Variants in GAREM1 observed in about 807,000 individuals in gnomAD.
GAREM1 encodes GRB2-associated and regulator of MAPK protein 1.
Under a neutral mutation model 71.3 loss-of-function variants are expected in GAREM1, and 26 were observed. That is an observed-to-expected ratio of 0.36 (90% confidence interval 0.27 to 0.51). GAREM1 has a LOEUF of 0.51. Among genes scored for constraint, GAREM1 ranks in the 20% least tolerant of loss-of-function variants. The pLI is 0.95. For missense variants in GAREM1, 1,026 were observed against 1,103.1 expected (o/e 0.93, Z 0.99); for synonymous variants, 440 against 433.2 (o/e 1.02, Z -0.20).
At chr18:32,452,755 AC>A (rs1344472751) in intron 1 of GAREM1, among the ~76,000 whole-genome samples, 2 of 152,234 alleles carry the variant, frequency 1.3e-5, no homozygotes, top group East Asian at 3.9e-4. Flanking sequence ...GAAACCACAT[AC>A]CATACTCCCA....
At position 32,310,323 on chromosome 18, in the gene GAREM1, C is replaced by G. The variant is rs2144518612; in HGVS notation, c.263G>C (p.Gly88Ala). Residue 88 changes from glycine to alanine, a missense_variant and splice_region_variant, in exon 3 of 6, where the codon GGG becomes GCG. This residue lies in a region of GAREM1 where 172 missense variants were observed against 175.2 expected (regional missense o/e 0.98). Coordinates refer to ENST00000269209, the MANE Select transcript of GAREM1 (RefSeq NM_001242409.2). ...GTCTTGTTCCAGCAGCTTGAATTGC[C>G]CTAAAACACAGGATAAACAGAAGAG... ...PKIEIPVHYA[G>A]QFKLLEQDRD... is the part of the protein sequence containing the mutation. 1 of 1,613,958 alleles carries G rather than the reference C, an allele frequency of 6.2e-7. No individual in the cohort carries two copies. Among genetic ancestry groups the G allele is most frequent in the East Asian group, 2.2e-5 (1 of 44,866 alleles).
At chr18:32,271,892 G>C (rs1307037052) in intron 4 of GAREM1, among the ~76,000 whole-genome samples, 3 of 152,140 alleles carry the variant, frequency 2.0e-5, no homozygotes, top group South Asian at 2.1e-4. Flanking sequence ...AGGCAGCAGG[G>C]GGCAGTTTAT....
At chr18:32,407,395 T>C (rs2048375301) in intron 1 of GAREM1, among the ~76,000 whole-genome samples, 1 of 152,146 alleles carries the variant, frequency 6.6e-6, no homozygotes, top group African/African-American at 2.4e-5. Context: ...ATCGCACCAT[T>C]GCACTCCAGC....
rs752263819 is a variant in GAREM1, at chr18:32,310,199, G to A, written c.387C>T (p.Asn129=). The change falls in exon 3 of 6, where the codon AAC becomes AAT. Residue 129 remains asparagine, a synonymous_variant. Transcript: ENST00000269209. The stretch of plus-strand genomic sequence containing the variant: ...GTGCTTCAAGAGCTACTACCTTCAC[G>A]TTGAATGTGATATCCTCCATGACGT... The part of the protein sequence containing the change: ...RVYVMEDITF[N]VKVASGECNE... The A allele has an allele frequency of 8.7e-6, 14 of 1,613,852 alleles. No individual in the cohort carries two copies. The highest frequency in any genetic ancestry group is 3.3e-5 in the South Asian group (3 of 91,014).
rs1368925454 is a variant in GAREM1, at chr18:32,470,828, G to C, written c.-400C>G. Among the ~76,000 whole-genome samples the C allele has an allele frequency of 6.6e-6, 1 of 150,516 alleles. No individual in the cohort carries two copies. The highest frequency in any genetic ancestry group is 1.5e-5 in the Non-Finnish European group (1 of 67,454). ...CCCTCCTTCCCTCCGCCTCGAGCGTGTGAGGAGGAGCCGCGGGTCTGAGAA... is the reference window on the plus strand; with the variant it reads ...CCCTCCTTCCCTCCGCCTCGAGCGTCTGAGGAGGAGCCGCGGGTCTGAGAA... On this transcript the variant is annotated 5_prime_UTR_variant, in exon 1 of 6. Transcript: ENST00000269209. The surrounding 1 kb of genome is among the most constrained non-coding windows in gnomAD (Gnocchi z 4.4).
In GAREM1 at chr18:32,310,188, A is replaced by G; in HGVS notation, c.393+5T>C. 1 of 1,613,824 alleles carries G rather than the reference A, an allele frequency of 6.2e-7. No homozygotes were observed. The highest frequency in any genetic ancestry group is 1.1e-5 in the South Asian group (1 of 90,980). On this transcript the variant is annotated splice_donor_5th_base_variant and intron_variant, in intron 3 of 5. Coordinates refer to ENST00000269209, the MANE Select transcript of GAREM1 (RefSeq NM_001242409.2). ...ATAAATATTTGGTGCTTCAAGAGCTACTACCTTCACGTTGAATGTGATATC... is the reference window on the plus strand; with the variant it reads ...ATAAATATTTGGTGCTTCAAGAGCTGCTACCTTCACGTTGAATGTGATATC...
intron 2 of GAREM1, among the ~76,000 whole-genome samples, chr18:32,378,944 G>A (rs148041461): frequency 3.3e-5 from 5 of 152,264 alleles, no homozygotes; most frequent in South Asian, 2.1e-4. Flanking sequence ...CACTGCTTAC[G>A]GGAGACAGAT....
In GAREM1 at chr18:32,267,837, C is replaced by A; in HGVS notation, c.*34G>T. ...CACCCCTTCTAGCACACGCATTGAT[C>A]AGTTTTGTTCCATGCTGGCCGGGGG... On this transcript the variant is annotated 3_prime_UTR_variant, in exon 6 of 6. Coordinates refer to ENST00000269209, the MANE Select transcript of GAREM1 (RefSeq NM_001242409.2). 1 of 1,554,432 alleles carries A rather than the reference C, an allele frequency of 6.4e-7. No homozygotes were observed. The highest frequency in any genetic ancestry group is 1.2e-5 in the South Asian group (1 of 83,318).
chr18:32,328,801 CAT>C (rs2047497602), intron 2 of GAREM1, among the ~76,000 whole-genome samples: 1 of 152,048 alleles, frequency 6.6e-6, no homozygotes, highest in Non-Finnish European at 1.5e-5. Flanking sequence ...ATAAGCAAAA[CAT>C]TGATTACTTT....
chr18:32,389,996 G>GT (rs2048180979), intron 2 of GAREM1, among the ~76,000 whole-genome samples: 1 of 152,002 alleles, frequency 6.6e-6, no homozygotes, highest in Non-Finnish European at 1.5e-5. Context: ...GCGAGAACTG[G>GT]TATCTACAAA....
chr18:32,343,744 G>T (rs1415376907), intron 2 of GAREM1, among the ~76,000 whole-genome samples: 1 of 151,850 alleles, frequency 6.6e-6, no homozygotes, highest in Non-Finnish European at 1.5e-5. Flanking sequence ...ATGCACTTAC[G>T]GCAACTTCAT....
In GAREM1 at chr18:32,470,250, C is replaced by T; in HGVS notation, c.121+58G>A. ...CCACCCTCTCCAGCACACGCGCGCA[C>T]ACCCGCGTGGAGACGGCTGTCCTCG... On this transcript the variant is annotated intron_variant, in intron 1 of 5. Coordinates refer to ENST00000269209, the MANE Select transcript of GAREM1 (RefSeq NM_001242409.2). This position sits in a 1 kb window ranked among gnomAD's most constrained non-coding sequence, Gnocchi z 4.4. The T allele has an allele frequency of 2.9e-6, 4 of 1,399,006 alleles. No individual in the cohort carries two copies. Among genetic ancestry groups the T allele is most frequent in the Non-Finnish European group, 3.8e-6 (4 of 1,066,288 alleles). 86.7% of individuals were successfully genotyped at this position (1,399,006 alleles called of 1,614,324 possible). A position where few individuals can be genotyped will look rare whatever the true frequency, so the allele number is the denominator to read the frequency against.
At chr18:32,424,640 T>A (rs1039675514) in intron 1 of GAREM1, among the ~76,000 whole-genome samples, 2 of 152,186 alleles carry the variant, frequency 1.3e-5, no homozygotes, top group Non-Finnish European at 2.9e-5. Flanking sequence ...CTGTATATAT[T>A]TGGAACCAGA....
chr18:32,389,082 T>G (rs1485773412), intron 2 of GAREM1, among the ~76,000 whole-genome samples: 2 of 151,966 alleles, frequency 1.3e-5, no homozygotes. Context: ...AGGGTAAGAA[T>G]GATAAAAAAC....
At chr18:32,383,323 G>T (rs1220519516) in intron 2 of GAREM1, among the ~76,000 whole-genome samples, 1 of 152,184 alleles carries the variant, frequency 6.6e-6, no homozygotes, top group Non-Finnish European at 1.5e-5. Flanking sequence ...AAATGGGTCA[G>T]GGTTAACAGA....
At chr18:32,322,397 G>A (rs2047437465) in intron 2 of GAREM1, among the ~76,000 whole-genome samples, 1 of 152,124 alleles carries the variant, frequency 6.6e-6, no homozygotes. Context: ...ACTATAGAAT[G>A]CACCATCTGG....
chr18:32,289,284 T>C (rs1272948600), intron 3 of GAREM1, among the ~76,000 whole-genome samples: 2 of 152,180 alleles, frequency 1.3e-5, no homozygotes, highest in African/African-American at 4.8e-5. Flanking sequence ...CACTGCCCAC[T>C]GTGTTTTCAT....
rs188881346 is a variant in GAREM1, at chr18:32,441,263, A to T, written c.121+29045T>A. 1.9e-3 allele frequency among the ~76,000 whole-genome samples: 291 copies of T among 152,120 alleles called. 1 individual carries two copies. Among genetic ancestry groups the T allele is most frequent in the Middle Eastern group, 0.017 (5 of 294 alleles). On this transcript the variant is annotated intron_variant, in intron 1 of 5. Coordinates refer to ENST00000269209, the MANE Select transcript of GAREM1 (RefSeq NM_001242409.2). ...CTAAGAATACTTAACAATTTTTTTT[A>T]AAATTCATTTAAGAATTTGGGTTCT...
intron 1 of GAREM1, among the ~76,000 whole-genome samples, chr18:32,436,422 G>A (rs1212062113): frequency 1.4e-4 from 21 of 152,112 alleles, no homozygotes; most frequent in Admixed American, 1.2e-3. Flanking sequence ...ACTACAAGAG[G>A]ACATATATTT....
Sources: gnomAD v4.1 joint callset for allele counts (sites outside exome capture counted in the v4.1 genomes callset) on GRCh38, gnomAD v4.1.1 for gene constraint, gnomAD v4.1.1 regional missense constraint, Gnocchi (gnomAD v3.1) non-coding constraint, MANE v1.5 for transcripts, NCBI Gene and HGNC (gene_info 2026-07-23, HGNC 2026-07-21) for gene names.